Variants in ESRRB observed in about 807,000 individuals in gnomAD.
The protein encoded by ESRRB is estrogen related receptor beta.
A neutral mutation model predicts 46.0 loss-of-function variants in ESRRB; 16 were observed. That is an observed-to-expected ratio of 0.35 (90% CI 0.24 to 0.53). The LOEUF (loss-of-function observed/expected upper bound fraction) is 0.53, where lower values mean the gene tolerates loss of function less well. ESRRB is among the 20% of genes least tolerant of loss of function. The pLI is 0.93. For synonymous variants in ESRRB, 246 were observed against 259.6 expected, an observed-to-expected ratio of 0.95 and a Z score of 0.50; for missense variants, 488 against 607.4, an observed-to-expected ratio of 0.80 and a Z score of 2.07.
chr14:76,368,062 C>A (rs1210488371), upstream of ESRRB, among the ~76,000 whole-genome samples: 1 of 150,024 alleles, frequency 6.7e-6, no homozygotes, highest in Non-Finnish European at 1.5e-5. Flanking sequence ...AAGTGATTCT[C>A]CTGCTTCAGC....
intron 3 of ESRRB, among the ~76,000 whole-genome samples, chr14:76,477,509 C>T (rs1889629333): frequency 1.3e-5 from 2 of 152,194 alleles, no homozygotes; most frequent in Non-Finnish European, 2.9e-5. Flanking sequence ...TTACCATCGC[C>T]TCCTTCCCCA....
chr14:76,369,280 G>GT (rs201369005), upstream of ESRRB, among the ~76,000 whole-genome samples: 1,430 of 143,700 alleles, frequency 1.0e-2, 12 homozygotes, highest in Middle Eastern at 0.039. Context: ...TTTCTTTGAG[G>GT]TTTTTTTTTT....
At chr14:76,372,168 T>A (rs1279307696), upstream of ESRRB, among the ~76,000 whole-genome samples, 4 of 151,586 alleles carry the variant, frequency 2.6e-5, no homozygotes, top group East Asian at 7.8e-4. Flanking sequence ...CAGGCTGGGG[T>A]GGGAAAGGGC....
At chr14:76,445,693 T>C (rs1798837983) in intron 2 of ESRRB, among the ~76,000 whole-genome samples, 1 of 150,478 alleles carries the variant, frequency 6.6e-6, no homozygotes. Context: ...TCTTTTTTTT[T>C]TTTTTTTTTG....
Position 76,376,753 on chromosome 14 carries a change from T to C in ESRRB, c.50+302T>C, listed in dbSNP as rs1235091883. The stretch of plus-strand genomic sequence containing the variant: ...CTGATCTTGCTCCGGGGTGAGAAAA[T>C]ATTTGAGTTTTTGTGGAATGGAGCA... On this transcript the variant is annotated intron_variant, in intron 1 of 6. Transcript: ENST00000644823. The surrounding 1 kb of genome is among the most constrained non-coding windows in gnomAD (Gnocchi z 4.1). Among the ~76,000 whole-genome samples, 1 of 151,998 alleles carries C rather than the reference T, an allele frequency of 6.6e-6. No individual in the cohort carries two copies.
At chr14:76,328,402 A>G (rs1298217798) in intron 1 of ESRRB, among the ~76,000 whole-genome samples, 1 of 152,220 alleles carries the variant, frequency 6.6e-6, no homozygotes, top group Non-Finnish European at 1.5e-5. Context: ...GTCGGGGACC[A>G]GGACCATCAG....
chr14:76,500,104 C>T lies in ESRRB; in HGVS notation c.*1646C>T, dbSNP rs370126151. 35 of 1,519,398 alleles carry T rather than the reference C, an allele frequency of 2.3e-5. No homozygotes were observed. In the African/African-American group the frequency reaches 3.0e-4, roughly 13 times the overall value. The allele number at this position is 1,519,398 out of a possible 1,614,324, so 94.1% of individuals were successfully genotyped here. A position where few individuals can be genotyped will look rare whatever the true frequency, so the allele number is the denominator to read the frequency against. ...AGCTTTTCCATAGAAGCCCTGGTCC[C>T]ACCTCCTTGGCTCTACCCCAGGAAC... On this transcript the variant is annotated 3_prime_UTR_variant, in exon 7 of 7. Transcript: ENST00000644823.
intron 1 of ESRRB, among the ~76,000 whole-genome samples, chr14:76,438,682 G>C (rs1887777238): frequency 1.3e-5 from 2 of 151,422 alleles, no homozygotes; most frequent in South Asian, 4.2e-4. Context: ...AAAAAAACTT[G>C]TAGCCTTTGT....
intron 2 of ESRRB, among the ~76,000 whole-genome samples, chr14:76,443,198 C>T (rs1478412104): frequency 6.6e-6 from 1 of 152,150 alleles, no homozygotes; most frequent in African/African-American, 2.4e-5. Flanking sequence ...AACAGTAGAG[C>T]ACGTTTTCCT....
chr14:76,463,591 C>G (rs1468349059), intron 3 of ESRRB, among the ~76,000 whole-genome samples: 2 of 151,454 alleles, frequency 1.3e-5, no homozygotes, highest in African/African-American at 2.4e-5. Context: ...GGACTACAGG[C>G]GCCCGCCACC....
rs985394463 is a variant in ESRRB, at chr14:76,407,442, G to A, written c.50+30991G>A. The A allele has an allele frequency of 4.3e-6, 3 of 690,796 alleles. No individual in the cohort carries two copies. The Admixed American group carries it at 1.9e-4, about 43-fold the overall frequency. The allele number at this position is 690,796 out of a possible 1,614,324, so 42.8% of individuals were successfully genotyped here. A position where few individuals can be genotyped will look rare whatever the true frequency, so the allele number is the denominator to read the frequency against. ...AGGGCCGAAGAGCCTGCATCGAGCAGAGCCACCAGGCTAAATCCTCTGACC... is the reference window on the plus strand; with the variant it reads ...AGGGCCGAAGAGCCTGCATCGAGCAAAGCCACCAGGCTAAATCCTCTGACC... On this transcript the variant is annotated intron_variant, in intron 1 of 6. Transcript: ENST00000644823.
chr14:76,404,715 GT>G (rs1886100057), intron 1 of ESRRB, among the ~76,000 whole-genome samples: 1 of 152,126 alleles, frequency 6.6e-6, no homozygotes, highest in Admixed American at 6.5e-5. Context: ...CTTAATGATG[GT>G]TTTGACTTTT....
At chr14:76,434,552 C>T (rs577789447) in intron 1 of ESRRB, among the ~76,000 whole-genome samples, 3 of 151,480 alleles carry the variant, frequency 2.0e-5, no homozygotes, top group South Asian at 2.1e-4. Context: ...CCCAGCCTCT[C>T]GGGAGGCTGA....
chr14:76,378,214 C>G (rs1044800566), intron 1 of ESRRB, among the ~76,000 whole-genome samples: 5 of 152,182 alleles, frequency 3.3e-5, no homozygotes, highest in Non-Finnish European at 7.3e-5. Context: ...TGGCTCAAGT[C>G]ATAGTCAATA....
At chr14:76,379,340 A>AG (rs1339635518) in intron 1 of ESRRB, among the ~76,000 whole-genome samples, 2 of 152,178 alleles carry the variant, frequency 1.3e-5, no homozygotes, top group African/African-American at 2.4e-5. Context: ...CCAGAGAGCA[A>AG]GGGGGGCTAT....
chr14:76,479,217 TTGTG>T (rs146974231), intron 3 of ESRRB, among the ~76,000 whole-genome samples: 5 of 144,914 alleles, frequency 3.5e-5, no homozygotes, highest in South Asian at 2.4e-4. Context: ...CACTGTCTGT[TTGTG>T]TGTGTGTGTG....
intron 2 of ESRRB, 101 bp from the exon 3 acceptor site, chr14:76,462,444 C>A: frequency 2.4e-6 from 2 of 826,070 alleles, no homozygotes; most frequent in East Asian, 2.7e-5. Context: ...GGGGGAGTGG[C>A]AGCTCTGGCA....
intron 1 of ESRRB, among the ~76,000 whole-genome samples, chr14:76,387,596 A>G (rs1262195739): frequency 1.3e-5 from 2 of 152,104 alleles, no homozygotes; most frequent in Non-Finnish European, 2.9e-5. Flanking sequence ...ATGCACACCT[A>G]CACACCACAC....
chr14:76,393,628 T>A (rs1363008249), intron 1 of ESRRB, among the ~76,000 whole-genome samples: 1 of 151,828 alleles, frequency 6.6e-6, no homozygotes, highest in African/African-American at 2.4e-5. Flanking sequence ...GGTGCCCAGG[T>A]GGAGAGTGTG....
Sources: gnomAD v4.1 joint callset for allele counts (sites outside exome capture counted in the v4.1 genomes callset) on GRCh38, gnomAD v4.1.1 for gene constraint, Gnocchi (gnomAD v3.1) non-coding constraint, MANE v1.5 for transcripts, NCBI Gene and HGNC (gene_info 2026-07-23, HGNC 2026-07-21) for gene names.